Variants in MACROD2 observed in about 807,000 individuals in gnomAD.
MACROD2 encodes the protein mono-ADP ribosylhydrolase 2.
A neutral mutation model predicts 70.4 loss-of-function variants in MACROD2; 36 were observed. The ratio of observed to expected loss-of-function variants is 0.51; its 90% confidence interval spans 0.39 to 0.68. The LOEUF is 0.68. MACROD2 is among the 30% of genes least tolerant of loss of function. The pLI is 0.00. For synonymous variants in MACROD2, 172 were observed against 178.8 expected, an observed-to-expected ratio of 0.96 and a Z score of 0.30; for missense variants, 496 against 538.4, an observed-to-expected ratio of 0.92 and a Z score of 0.78.
intron 8 of MACROD2, among the ~76,000 whole-genome samples, chr20:15,786,161 TA>T (rs10641335): frequency 5.7e-4 from 83 of 144,622 alleles, no homozygotes; most frequent in Admixed American, 1.3e-3. Flanking sequence ...TTAACAATAT[TA>T]AAAAAAAAAA....
intron 3 of MACROD2, among the ~76,000 whole-genome samples, chr20:14,293,529 T>A (rs905305055): frequency 6.6e-6 from 1 of 151,792 alleles, no homozygotes. Context: ...TTCAAGAAGA[T>A]GCTTGGCTTC....
intron 9 of MACROD2, among the ~76,000 whole-genome samples, chr20:15,865,539 T>C (rs562463783): frequency 2.4e-4 from 37 of 152,238 alleles, no homozygotes; most frequent in Middle Eastern, 6.8e-3. Flanking sequence ...GTGGTTCCAT[T>C]GTTAGGGTTT....
intron 3 of MACROD2, among the ~76,000 whole-genome samples, chr20:14,230,676 T>A (rs1056056553): frequency 1.1e-5 from 1 of 92,578 alleles, no homozygotes. Flanking sequence ...GGCCTATATA[T>A]ATATATATAT....
chr20:14,830,213 T>C (rs1292854096), intron 5 of MACROD2, among the ~76,000 whole-genome samples: 1 of 152,130 alleles, frequency 6.6e-6, no homozygotes, highest in East Asian at 1.9e-4. Context: ...TAAAGAGGCA[T>C]CACTGAAATT....
intron 8 of MACROD2, among the ~76,000 whole-genome samples, chr20:15,819,297 G>GTATATAAATATATGTACATATA (rs2063910841): frequency 2.9e-5 from 4 of 136,758 alleles, no homozygotes; most frequent in African/African-American, 8.1e-5. Context: ...TTATATATAA[G>GTATATAAATATATGTACATATA]TATATAAATA....
At chr20:14,596,187 G>C (rs529340936) in intron 4 of MACROD2, among the ~76,000 whole-genome samples, 26 of 151,704 alleles carry the variant, frequency 1.7e-4, no homozygotes, top group Admixed American at 1.4e-3. Context: ...CCGGGTTCAC[G>C]CCATTCTCCT....
intron 4 of MACROD2, among the ~76,000 whole-genome samples, chr20:14,499,232 T>C (rs2084889927): frequency 6.6e-6 from 1 of 152,172 alleles, no homozygotes; most frequent in African/African-American, 2.4e-5. Context: ...AAATAGGGTT[T>C]AAATCTTAAC....
At chr20:14,653,204 A>G (rs143433676) in intron 4 of MACROD2, among the ~76,000 whole-genome samples, 3 of 146,410 alleles carry the variant, frequency 2.0e-5, no homozygotes, top group African/African-American at 7.6e-5. Flanking sequence ...GCATTCACCA[A>G]CATGTACAGC....
chr20:15,442,922 TAAG>T (rs976153452), intron 7 of MACROD2, among the ~76,000 whole-genome samples: 8 of 152,162 alleles, frequency 5.3e-5, no homozygotes, highest in African/African-American at 1.9e-4. Flanking sequence ...ATGAAATTTT[TAAG>T]GCATAAGGAC....
chr20:15,158,436 G>C (rs1211620976), intron 5 of MACROD2, among the ~76,000 whole-genome samples: 1 of 152,032 alleles, frequency 6.6e-6, no homozygotes, highest in East Asian at 1.9e-4. Flanking sequence ...TGATTTTACA[G>C]GTGAGAAAAT....
intron 6 of MACROD2, among the ~76,000 whole-genome samples, chr20:15,397,466 T>C (rs1488750493): frequency 1.3e-5 from 2 of 151,914 alleles, no homozygotes; most frequent in Non-Finnish European, 2.9e-5. Flanking sequence ...GGCTAATGTT[T>C]GTTTTGTTTT....
At chr20:15,428,737 G>A (rs1013027990) in intron 6 of MACROD2, among the ~76,000 whole-genome samples, 2 of 151,986 alleles carry the variant, frequency 1.3e-5, no homozygotes, top group Non-Finnish European at 2.9e-5. Context: ...AGCCTCCAAT[G>A]CCACATACAA....
intron 4 of MACROD2, among the ~76,000 whole-genome samples, chr20:14,631,690 G>A (rs1024541937): frequency 6.6e-6 from 1 of 152,166 alleles, no homozygotes; most frequent in Non-Finnish European, 1.5e-5. Flanking sequence ...CAGGAGAATG[G>A]CGTGAACCCA....
intron 12 of MACROD2, among the ~76,000 whole-genome samples, chr20:15,957,279 G>A (rs901339675): frequency 6.6e-6 from 1 of 151,948 alleles, no homozygotes; most frequent in African/African-American, 2.4e-5. Flanking sequence ...TGTACTTTAG[G>A]TATGTTTATA....
chr20:15,272,090 T>C (rs1343619948), intron 6 of MACROD2, among the ~76,000 whole-genome samples: 2 of 152,226 alleles, frequency 1.3e-5, no homozygotes, highest in East Asian at 1.9e-4. Flanking sequence ...TAAACAGTTA[T>C]GTATTTAACC....
chr20:15,907,992 T>A (rs1045875985), intron 10 of MACROD2, among the ~76,000 whole-genome samples: 1 of 152,244 alleles, frequency 6.6e-6, no homozygotes, highest in Non-Finnish European at 1.5e-5. Flanking sequence ...GAGGCTTTTT[T>A]AGACATTCTT....
intron 5 of MACROD2, among the ~76,000 whole-genome samples, chr20:15,068,929 A>C (rs970488719): frequency 1.3e-5 from 2 of 152,178 alleles, no homozygotes; most frequent in Non-Finnish European, 2.9e-5. Context: ...AAAAGACAGG[A>C]AGACAAGGGA....
chr20:15,684,339 G>A (rs1031173997), intron 8 of MACROD2, among the ~76,000 whole-genome samples: 2 of 152,196 alleles, frequency 1.3e-5, no homozygotes, highest in Non-Finnish European at 2.9e-5. Flanking sequence ...AAAGACATAG[G>A]TTGAATCAGA....
intron 3 of MACROD2, among the ~76,000 whole-genome samples, chr20:14,319,616 C>G (rs544552356): frequency 6.6e-6 from 1 of 152,146 alleles, no homozygotes; most frequent in Admixed American, 6.6e-5. Context: ...GCAGACGCTG[C>G]TTTCATAATC....
Sources: gnomAD v4.1 joint callset for allele counts (sites outside exome capture counted in the v4.1 genomes callset) on GRCh38, gnomAD v4.1.1 for gene constraint, MANE v1.5 for transcripts, NCBI Gene and HGNC (gene_info 2026-07-23, HGNC 2026-07-21) for gene names.